The following RAI14 variants were observed in gnomAD, a reference collection of about 807,000 sequenced individuals.
The protein encoded by RAI14 is ankycorbin.
Under a neutral mutation model 115.4 loss-of-function variants are expected in RAI14, and 45 were observed. The ratio of observed to expected loss-of-function variants is 0.39; its 90% CI spans 0.31 to 0.50. The LOEUF is 0.50. Ranked by LOEUF, RAI14 falls within the 20% of genes least tolerant of loss-of-function variation. The pLI is 0.85. For missense variants in RAI14, 939 were observed against 1,131.2 expected (o/e 0.83, Z 2.44); for synonymous variants, 371 against 415.4 (o/e 0.89, Z 1.30).
rs778877652 is a variant in RAI14 at position 34,657,766 on chromosome 5, G to C, written c.-49+1291G>C. ...CATCACTAGGACATAGCCGAAGCTC[G>C]CCTTAGCGAAGAGAGTCTCACCTCC... On this transcript the variant is annotated intron_variant, in intron 1 of 17. Coordinates refer to ENST00000265109, the MANE Select transcript of RAI14 (RefSeq NM_015577.3). Among the ~76,000 whole-genome samples, 3 of 152,356 alleles carry C rather than the reference G, an allele frequency of 2.0e-5. No homozygotes were observed. The East Asian group carries it at 5.8e-4, about 29-fold the overall frequency.
intron 3 of RAI14, among the ~76,000 whole-genome samples, chr5:34,775,334 G>A (rs1235298947): frequency 6.6e-6 from 1 of 152,120 alleles, no homozygotes; most frequent in African/African-American, 2.4e-5. Context: ...CCCACAGAAT[G>A]GGAGAAAATA....
intron 2 of RAI14, among the ~76,000 whole-genome samples, chr5:34,734,149 ATGT>A (rs1744551466): frequency 1.3e-5 from 2 of 152,124 alleles, no homozygotes; most frequent in South Asian, 4.1e-4. Context: ...AGTGAAAGTG[ATGT>A]TGGTCTTCCC....
At chr5:34,661,361 C>T (rs1404838333) in intron 1 of RAI14, among the ~76,000 whole-genome samples, 3 of 152,072 alleles carry the variant, frequency 2.0e-5, no homozygotes, top group Non-Finnish European at 4.4e-5. Context: ...CTGTTGTATT[C>T]ATGGTGTCTA....
chr5:34,770,134 G>A (rs949092224), intron 3 of RAI14, among the ~76,000 whole-genome samples: 8 of 152,282 alleles, frequency 5.3e-5, no homozygotes, highest in African/African-American at 1.9e-4. Context: ...CTGGCGTCAG[G>A]ACAGGATCCC....
At position 34,799,510 on chromosome 5, in the gene RAI14, ACACACACACACACACACACACACAC is replaced by A. The variant is rs1353248825; in HGVS notation, c.256+3484_256+3508del. Among the ~76,000 whole-genome samples the A allele has an allele frequency of 2.2e-3, 174 of 79,422 alleles. 1 individual carries two copies. Among genetic ancestry groups the A allele is most frequent in the African/African-American group, 5.7e-3 (169 of 29,454 alleles). The allele number at this position is 79,422 out of a possible 152,430, so 52.1% of individuals were successfully genotyped here. On this transcript the variant is annotated intron_variant, in intron 4 of 17. Coordinates refer to ENST00000265109, the MANE Select transcript of RAI14 (RefSeq NM_015577.3). ...CACACACAGACACACACACACACAC[ACACACACACACACACACACACACAC>A]ACACAAAACCACCTTTCAAAATCTA...
intron 3 of RAI14, among the ~76,000 whole-genome samples, chr5:34,767,877 A>C (rs1749622296): frequency 6.6e-6 from 1 of 151,512 alleles, no homozygotes; most frequent in African/African-American, 2.4e-5. Context: ...ATGTCCCAAC[A>C]CCGGGCTAGG....
chr5:34,818,772 T>G lies in RAI14; in HGVS notation c.940-25T>G, dbSNP rs777264307. ...GTAATGTTACATTTAGAAATGTTCTTTAAGTCATTTTTGTGTTTCAATAGG... is the reference window on the plus strand; with the variant it reads ...GTAATGTTACATTTAGAAATGTTCTGTAAGTCATTTTTGTGTTTCAATAGG... On this transcript the variant is annotated intron_variant, in intron 12 of 17. Coordinates refer to ENST00000265109, the MANE Select transcript of RAI14 (RefSeq NM_015577.3). 4.4e-6 allele frequency: 7 copies of G among 1,586,010 alleles called. No individual in the cohort carries two copies. In the African/African-American group the frequency reaches 9.5e-5, roughly 21 times the overall value.
In RAI14 at chr5:34,789,602, C is replaced by G. The variant is rs75481469; in HGVS notation, c.168-6337C>G. 8.6e-3 allele frequency among the ~76,000 whole-genome samples: 1,305 copies of G among 152,292 alleles called. 18 individuals are homozygous for G. Among genetic ancestry groups the G allele is most frequent in the African/African-American group, 0.03 (1,252 of 41,536 alleles). ...ATAGCTTTTGCCCCTCCTTTCCCCT[C>G]TCTTCGTTTTTTAAGCAGTGGTGGT... On this transcript the variant is annotated intron_variant, in intron 3 of 17. Coordinates refer to ENST00000265109, the MANE Select transcript of RAI14 (RefSeq NM_015577.3).
intron 3 of RAI14, among the ~76,000 whole-genome samples, chr5:34,761,536 C>CT (rs1388488191): frequency 1.3e-5 from 2 of 152,178 alleles, no homozygotes; most frequent in Non-Finnish European, 1.5e-5. Flanking sequence ...AGTTGCCTGT[C>CT]TGTCTAGAGG....
At chr5:34,798,204 A>G (rs1272759733) in intron 4 of RAI14, among the ~76,000 whole-genome samples, 2 of 151,996 alleles carry the variant, frequency 1.3e-5, no homozygotes, top group African/African-American at 4.8e-5. Context: ...ACGCCCGGCT[A>G]ATTTTTGTAT....
intron 2 of RAI14, chr5:34,688,440 T>A: frequency 7.3e-6 from 3 of 410,360 alleles, no homozygotes; most frequent in Non-Finnish European, 1.3e-5. Flanking sequence ...AGAGGAATGA[T>A]AGGCACATAA....
intron 2 of RAI14, among the ~76,000 whole-genome samples, chr5:34,706,853 C>T (rs998157508): frequency 6.6e-6 from 1 of 152,126 alleles, no homozygotes; most frequent in Non-Finnish European, 1.5e-5. Flanking sequence ...TGAAAAATAG[C>T]CCTTTTCTAC....
chr5:34,664,436 GA>G (rs1384340591), intron 1 of RAI14, among the ~76,000 whole-genome samples: 3 of 140,708 alleles, frequency 2.1e-5, no homozygotes, highest in African/African-American at 5.2e-5. Context: ...AAAAAGGAAA[GA>G]AAAAAATTGA....
intron 2 of RAI14, among the ~76,000 whole-genome samples, chr5:34,712,991 G>A (rs1741581087): frequency 6.6e-6 from 1 of 152,034 alleles, no homozygotes; most frequent in Admixed American, 6.6e-5. Flanking sequence ...CTAGATGCAA[G>A]GTTCCAGAGC....
chr5:34,758,570 A>G (rs1748203944), intron 3 of RAI14, among the ~76,000 whole-genome samples: 1 of 152,060 alleles, frequency 6.6e-6, no homozygotes, highest in Non-Finnish European at 1.5e-5. Flanking sequence ...CTTGATGAGG[A>G]TTCTGGGAAT....
chr5:34,772,275 A>G (rs164307), intron 3 of RAI14, among the ~76,000 whole-genome samples: 152,118 of 152,344 alleles, frequency 1, 75,950 homozygotes, highest in Middle Eastern at 1. Flanking sequence ...ACCAGCTCTA[A>G]TTGCAGAATG....
Position 34,823,227 on chromosome 5 carries a change from G to C in RAI14, c.1385G>C (p.Arg462Pro), listed in dbSNP as rs748931819. The C allele has an allele frequency of 4.3e-6, 7 of 1,614,054 alleles. No homozygotes were observed. The South Asian group carries it at 6.6e-5, about 15-fold the overall frequency. The change falls in exon 15 of 18, where the codon CGA (arginine) becomes CCA (proline). Residue 462 changes from arginine to proline, a missense_variant. Coordinates refer to ENST00000265109, the MANE Select transcript of RAI14 (RefSeq NM_015577.3). The surrounding 1 kb of genome is among the most constrained non-coding windows in gnomAD (Gnocchi z 4.5). ...CAGCTACAGGTCGAACTCCAATCCC[G>C]AAGGGCAGAACTGGTATGCTTAAAC... ...RKQLQVELQS[R>P]RAELVCLNNT...
intron 2 of RAI14, among the ~76,000 whole-genome samples, chr5:34,693,950 G>T (rs1392630833): frequency 6.6e-6 from 1 of 152,210 alleles, no homozygotes; most frequent in African/African-American, 2.4e-5. Flanking sequence ...CATTTCTGAA[G>T]GGAGGAAGAA....
intron 1 of RAI14, among the ~76,000 whole-genome samples, chr5:34,678,389 C>T (rs1457351691): frequency 2.0e-5 from 3 of 152,154 alleles, no homozygotes; most frequent in African/African-American, 7.2e-5. Context: ...CCCCTCCACC[C>T]CATTTCTAAG....
Sources: gnomAD v4.1 joint callset for allele counts (sites outside exome capture counted in the v4.1 genomes callset) on GRCh38, gnomAD v4.1.1 for gene constraint, Gnocchi (gnomAD v3.1) non-coding constraint, MANE v1.5 for transcripts, NCBI Gene and HGNC (gene_info 2026-07-23, HGNC 2026-07-21) for gene names.